The following ZCCHC7 variants were observed in gnomAD, a reference collection of about 807,000 sequenced individuals.
ZCCHC7 encodes the protein zinc finger CCHC-type containing 7.
In ZCCHC7, 35 loss-of-function variants were observed where a neutral mutation model predicts 52.0. The observed-to-expected ratio is 0.67, with a 90% CI of 0.51 to 0.89. The LOEUF (loss-of-function observed/expected upper bound fraction) is 0.89, where lower values mean the gene tolerates loss of function less well. ZCCHC7 is among the 40% of genes least tolerant of loss of function. The pLI is 0.00. For missense variants in ZCCHC7, 574 were observed against 649.1 expected (o/e 0.88, Z 1.26); for synonymous variants, 217 against 221.5 (o/e 0.98, Z 0.18).
chr9:37,277,499 A>C (rs1827738244), intron 2 of ZCCHC7, among the ~76,000 whole-genome samples: 1 of 152,158 alleles, frequency 6.6e-6, no homozygotes. Flanking sequence ...TAAATAAAAT[A>C]AAATAATAAA....
In ZCCHC7 at chr9:37,318,669, T is replaced by C. The variant is rs1356694991; in HGVS notation, c.952-9130T>C. On this transcript the variant is annotated intron_variant, in intron 5 of 8. Transcript: ENST00000336755. ...GGCTCACACCTGTAATCCCAGCACTTTGGGAGGCCGAGGCGGGCAGATCAC... is the reference window on the plus strand; with the variant it reads ...GGCTCACACCTGTAATCCCAGCACTCTGGGAGGCCGAGGCGGGCAGATCAC... Among the ~76,000 whole-genome samples, 3 of 151,854 alleles carry C rather than the reference T, an allele frequency of 2.0e-5. No individual in the cohort carries two copies. The East Asian group carries it at 5.8e-4, about 29-fold the overall frequency.
At chr9:37,156,633 A>T (rs561717009) in intron 2 of ZCCHC7, among the ~76,000 whole-genome samples, 1 of 152,354 alleles carries the variant, frequency 6.6e-6, no homozygotes, top group South Asian at 2.1e-4. Context: ...TTTATAAAAT[A>T]AATCATCGTT....
intron 2 of ZCCHC7, among the ~76,000 whole-genome samples, chr9:37,289,658 G>A (rs948697780): frequency 6.6e-6 from 1 of 152,058 alleles, no homozygotes; most frequent in African/African-American, 2.4e-5. Flanking sequence ...TCAGTGGAGT[G>A]ATTCTTTGAG....
intron 2 of ZCCHC7, among the ~76,000 whole-genome samples, chr9:37,190,831 C>G (rs1357827508): frequency 1.3e-5 from 2 of 152,016 alleles, no homozygotes; most frequent in Non-Finnish European, 2.9e-5. Context: ...CCAGCCTGAC[C>G]AACATGGAAA....
intron 2 of ZCCHC7, among the ~76,000 whole-genome samples, chr9:37,182,412 GCTCTGTCA>G (rs1822410758): frequency 6.8e-6 from 1 of 147,342 alleles, no homozygotes; most frequent in Non-Finnish European, 1.5e-5. Flanking sequence ...ATGTAGTTTC[GCTCTGTCA>G]CCTAGGCGAT....
rs1056249895 is a variant in ZCCHC7, at chr9:37,232,558, C to T, written c.611-69630C>T. 5.9e-5 allele frequency among the ~76,000 whole-genome samples: 9 copies of T among 152,310 alleles called. No homozygotes were observed. In the South Asian group the frequency reaches 1.9e-3, roughly 32 times the overall value. On this transcript the variant is annotated intron_variant, in intron 2 of 8. Coordinates refer to ENST00000336755, the MANE Select transcript of ZCCHC7 (RefSeq NM_032226.3). ...CCATAGGCCAAATCCAACCAATCTC[C>T]TGTTTTTGTACTGCCTTGGAGCTAA...
intron 5 of ZCCHC7, among the ~76,000 whole-genome samples, chr9:37,317,387 G>T (rs1829868979): frequency 6.6e-6 from 1 of 152,174 alleles, no homozygotes; most frequent in South Asian, 2.1e-4. Context: ...ATATGTGTCT[G>T]AATACTTCTT....
At chr9:37,160,114 T>C (rs1821013555) in intron 2 of ZCCHC7, 1 of 152,216 alleles carries the variant, frequency 6.6e-6, no homozygotes, top group Non-Finnish European at 1.5e-5. Context: ...GTGGAAATAA[T>C]ACTTACAAGA....
Position 37,191,816 on chromosome 9 carries a change from T to C in ZCCHC7, c.610+64874T>C, listed in dbSNP as rs543951432. On this transcript the variant is annotated intron_variant, in intron 2 of 8. Transcript: ENST00000336755. ...ACCTGCTCTTTGTAGCAGTCTAGTT[T>C]ACAACAATGCAAGGAAGCCTTGCCA... Among the ~76,000 whole-genome samples the C allele has an allele frequency of 7.2e-5, 11 of 152,334 alleles. No individual in the cohort carries two copies. The South Asian group carries it at 1.7e-3, about 23-fold the overall frequency.
At chr9:37,221,813 T>C (rs917054997) in intron 2 of ZCCHC7, among the ~76,000 whole-genome samples, 2 of 152,176 alleles carry the variant, frequency 1.3e-5, no homozygotes, top group Non-Finnish European at 2.9e-5. Flanking sequence ...TAAAAAGTTT[T>C]TTTTTGTAAA....
intron 2 of ZCCHC7, among the ~76,000 whole-genome samples, chr9:37,283,766 A>C (rs1023914582): frequency 6.6e-6 from 1 of 152,172 alleles, no homozygotes; most frequent in South Asian, 2.1e-4. Context: ...CAGAAAGGAC[A>C]GTTGGTTTGG....
At chr9:37,325,165 C>T (rs755686271) in intron 5 of ZCCHC7, among the ~76,000 whole-genome samples, 7 of 152,028 alleles carry the variant, frequency 4.6e-5, no homozygotes, top group South Asian at 2.1e-4. Flanking sequence ...ATACAATAGA[C>T]GGGAAAACTA....
At chr9:37,161,844 A>G (rs1045999742) in intron 2 of ZCCHC7, among the ~76,000 whole-genome samples, 2 of 152,202 alleles carry the variant, frequency 1.3e-5, no homozygotes, top group Non-Finnish European at 2.9e-5. Context: ...AGACCGTGGC[A>G]TGGCAGACAA....
chr9:37,260,478 G>A (rs1419685349), intron 2 of ZCCHC7, among the ~76,000 whole-genome samples: 1 of 152,206 alleles, frequency 6.6e-6, no homozygotes, highest in Non-Finnish European at 1.5e-5. Flanking sequence ...TCATTAACAA[G>A]TTCAAGATGG....
chr9:37,177,133 A>G (rs1039899539), intron 2 of ZCCHC7, among the ~76,000 whole-genome samples: 4 of 152,078 alleles, frequency 2.6e-5, no homozygotes, highest in African/African-American at 9.7e-5. Context: ...CGAGGTCAGG[A>G]GTTTGAGACG....
At chr9:37,168,103 G>A (rs1821527405) in intron 2 of ZCCHC7, among the ~76,000 whole-genome samples, 1 of 152,000 alleles carries the variant, frequency 6.6e-6, no homozygotes, top group Admixed American at 6.6e-5. Flanking sequence ...TAAACTCCAG[G>A]AGTTTGTCAA....
At position 37,357,033 on chromosome 9, in the gene ZCCHC7, A is replaced by G. The variant is rs769852230; in HGVS notation, c.1397A>G (p.His466Arg). ...NWEKHRKADRHREVDEDFPRG... is the reference protein window; with the variant it reads ...NWEKHRKADRRREVDEDFPRG... ...GAGAAGCACAGGAAGGCTGACAGAC[A>G]TCGTGAAGTGGATGAGGATTTTCCC... Residue 466 changes from histidine (H) to arginine (R), a missense_variant, in exon 9 of 9, where the codon CAT (histidine) becomes CGT (arginine). His to Arg is a conservative substitution (Grantham distance 29). Transcript: ENST00000336755. 9 of 1,613,926 alleles carry G rather than the reference A, an allele frequency of 5.6e-6. No homozygotes were observed. The highest frequency in any genetic ancestry group is 1.7e-4 in the Middle Eastern group (1 of 6,052).
intron 2 of ZCCHC7, among the ~76,000 whole-genome samples, chr9:37,203,904 A>G (rs1823765800): frequency 6.6e-6 from 1 of 152,212 alleles, no homozygotes; most frequent in Non-Finnish European, 1.5e-5. Flanking sequence ...CAATGGTTGA[A>G]CTAATTTACG....
chr9:37,173,830 T>A (rs533121391), intron 2 of ZCCHC7, among the ~76,000 whole-genome samples: 8 of 152,310 alleles, frequency 5.3e-5, no homozygotes, highest in South Asian at 2.1e-4. Flanking sequence ...TTAATTTTTT[T>A]AATGACCATC....
Sources: gnomAD v4.1 joint callset for allele counts (sites outside exome capture counted in the v4.1 genomes callset) on GRCh38, gnomAD v4.1.1 for gene constraint, MANE v1.5 for transcripts, NCBI Gene and HGNC (gene_info 2026-07-23, HGNC 2026-07-21) for gene names.